The following PEAK1 variants were observed in gnomAD, a reference collection of about 807,000 sequenced individuals.
PEAK1 encodes inactive tyrosine-protein kinase PEAK1.
A neutral mutation model predicts 124.7 loss-of-function variants in PEAK1; 54 were observed. The observed-to-expected ratio is 0.43, with a 90% CI of 0.35 to 0.54. The LOEUF is 0.54. Ranked by LOEUF, PEAK1 falls within the 20% of genes least tolerant of loss-of-function variation. The pLI is 0.01. For missense variants in PEAK1, 2,046 were observed against 2,134.5 expected (o/e 0.96, Z 0.82); for synonymous variants, 719 against 760.0 (o/e 0.95, Z 0.89).
chr15:77,360,113 T>TAC (rs756043662), intron 2 of PEAK1, among the ~76,000 whole-genome samples: 6 of 152,204 alleles, frequency 3.9e-5, no homozygotes, highest in Non-Finnish European at 7.3e-5. Context: ...AATAAACCCC[T>TAC]ACATTTATAG....
chr15:77,314,063 C>A (rs2064711481), intron 2 of PEAK1, among the ~76,000 whole-genome samples: 1 of 151,990 alleles, frequency 6.6e-6, no homozygotes, highest in Non-Finnish European at 1.5e-5. Context: ...CTGTGGTCTT[C>A]CTTTCAAAAC....
chr15:77,355,808 C>A (rs913931312), intron 2 of PEAK1: 20 of 985,120 alleles, frequency 2.0e-5, no homozygotes, highest in Non-Finnish European at 2.3e-5. Flanking sequence ...CCTGTAGAAT[C>A]GGAATTATAA....
Position 77,200,604 on chromosome 15 carries a change from TATAGC to T in PEAK1, c.-114-18569_-114-18565del, listed in dbSNP as rs900123535. ...CCACCAAGTTTTATCAAACTGTGAA[TATAGC>T]ATAGTAGATTCACATTTTACAGTTT... is the stretch of plus-strand genomic sequence containing the variant. On this transcript the variant is annotated intron_variant, in intron 6 of 9. Coordinates refer to ENST00000682557, the MANE Select transcript of PEAK1 (RefSeq NM_001385026.1). Among the ~76,000 whole-genome samples, 12 of 152,316 alleles carry T rather than the reference TATAGC, an allele frequency of 7.9e-5. No homozygotes were observed. The Middle Eastern group carries it at 0.01, about 130-fold the overall frequency.
At chr15:77,325,953 G>C (rs2065549578) in intron 2 of PEAK1, among the ~76,000 whole-genome samples, 1 of 151,888 alleles carries the variant, frequency 6.6e-6, no homozygotes, top group African/African-American at 2.4e-5. Flanking sequence ...AAATATAACA[G>C]AGAACTAGTA....
chr15:77,269,430 T>C (rs1479327153), intron 5 of PEAK1, among the ~76,000 whole-genome samples: 1 of 152,074 alleles, frequency 6.6e-6, no homozygotes. Flanking sequence ...AGAGAGATAC[T>C]ACATAATGAT....
At chr15:77,371,765 G>A (rs1186530901) in intron 1 of PEAK1, among the ~76,000 whole-genome samples, 2 of 152,216 alleles carry the variant, frequency 1.3e-5, no homozygotes, top group East Asian at 3.8e-4. Context: ...GCACACACCT[G>A]TAATTGCAGC....
chr15:77,265,670 A>C (rs986865967), intron 5 of PEAK1, among the ~76,000 whole-genome samples: 1 of 152,018 alleles, frequency 6.6e-6, no homozygotes, highest in African/African-American at 2.4e-5. Context: ...ACTGTAAACT[A>C]GTTCAACCAT....
At chr15:77,380,016 C>G (rs1396183986) in intron 1 of PEAK1, among the ~76,000 whole-genome samples, 1 of 152,148 alleles carries the variant, frequency 6.6e-6, no homozygotes, top group African/African-American at 2.4e-5. Flanking sequence ...ATTTCTTTAC[C>G]TGGCAAATGT....
At chr15:77,230,969 A>G (rs2059888815) in intron 6 of PEAK1, among the ~76,000 whole-genome samples, 1 of 151,584 alleles carries the variant, frequency 6.6e-6, no homozygotes, top group South Asian at 2.1e-4. Flanking sequence ...ATCTAAAAGG[A>G]AAAAAAAAGA....
At chr15:77,320,957 G>A (rs960963962) in intron 2 of PEAK1, among the ~76,000 whole-genome samples, 1 of 152,100 alleles carries the variant, frequency 6.6e-6, no homozygotes, top group Non-Finnish European at 1.5e-5. Flanking sequence ...ATGGTTTCCA[G>A]CTTTATCCAT....
chr15:77,310,903 A>T (rs2153001219), intron 2 of PEAK1, among the ~76,000 whole-genome samples: 1 of 152,314 alleles, frequency 6.6e-6, no homozygotes, highest in Non-Finnish European at 1.5e-5. Context: ...AAACAAACAA[A>T]AACCCAATGA....
At chr15:77,366,654 C>T (rs1044211152) in intron 1 of PEAK1, among the ~76,000 whole-genome samples, 2 of 152,068 alleles carry the variant, frequency 1.3e-5, no homozygotes, top group Non-Finnish European at 2.9e-5. Context: ...CTCCCAGGCT[C>T]GAGTGATCCT....
At chr15:77,274,014 AC>A (rs775722892) in intron 5 of PEAK1, among the ~76,000 whole-genome samples, 3 of 152,152 alleles carry the variant, frequency 2.0e-5, no homozygotes, top group Non-Finnish European at 4.4e-5. Context: ...AGCAACAAAA[AC>A]ATAAAGTAGG....
intron 8 of PEAK1, among the ~76,000 whole-genome samples, chr15:77,146,776 T>C (rs559867270): frequency 6.6e-6 from 1 of 152,356 alleles, no homozygotes; most frequent in East Asian, 1.9e-4. Flanking sequence ...TGTGGAATAA[T>C]GTCTGCTCAA....
At chr15:77,317,755 C>T (rs2064965483) in intron 2 of PEAK1, among the ~76,000 whole-genome samples, 1 of 152,110 alleles carries the variant, frequency 6.6e-6, no homozygotes, top group Admixed American at 6.5e-5. Flanking sequence ...AGTTTAATCA[C>T]TTTTATAGTA....
chr15:77,346,172 T>A (rs1019615887), intron 2 of PEAK1: 254 of 976,094 alleles, frequency 2.6e-4, no homozygotes, highest in Non-Finnish European at 3.0e-4. Context: ...ATAAATAAAT[T>A]ATTAAATCTA....
At chr15:77,152,204 A>G (rs1398593884) in intron 8 of PEAK1, among the ~76,000 whole-genome samples, 9 of 152,072 alleles carry the variant, frequency 5.9e-5, no homozygotes, top group South Asian at 4.2e-4. Context: ...GGTCCTTCAC[A>G]TCCCTTGTAA....
intron 1 of PEAK1, among the ~76,000 whole-genome samples, chr15:77,366,260 T>C (rs2068230335): frequency 6.6e-6 from 1 of 152,062 alleles, no homozygotes; most frequent in Non-Finnish European, 1.5e-5. Flanking sequence ...TAAGACCAAC[T>C]ACACAACTTA....
At chr15:77,197,699 G>T (rs1273437489) in intron 6 of PEAK1, among the ~76,000 whole-genome samples, 4 of 152,190 alleles carry the variant, frequency 2.6e-5, no homozygotes, top group African/African-American at 9.6e-5. Flanking sequence ...ACATTTAAAA[G>T]AAACCATGTT....
Sources: allele counts gnomAD v4.1 joint callset (sites outside exome capture counted in the v4.1 genomes callset), GRCh38; gene constraint gnomAD v4.1.1; transcripts MANE v1.5; gene names NCBI Gene and HGNC (gene_info 2026-07-23, HGNC 2026-07-21).